NKAIN2: variants seen among roughly 807,000 people sequenced by gnomAD.
The protein encoded by NKAIN2 is sodium/potassium-transporting ATPase subunit beta-1-interacting protein 2.
Under a neutral mutation model 32.6 loss-of-function variants are expected in NKAIN2, and 14 were observed. That is an observed-to-expected ratio of 0.43 (90% CI 0.28 to 0.67). NKAIN2 has a LOEUF of 0.67. NKAIN2 is among the 30% of genes least tolerant of loss of function. NKAIN2 has a pLI of 0.17. For missense variants in NKAIN2, 198 were observed against 258.3 expected, an observed-to-expected ratio of 0.77 and a Z score of 1.60; for synonymous variants, 80 against 87.2, an observed-to-expected ratio of 0.92 and a Z score of 0.46.
intron 4 of NKAIN2, among the ~76,000 whole-genome samples, chr6:124,695,799 T>C (rs950659703): frequency 1.6e-4 from 24 of 152,214 alleles, no homozygotes; most frequent in African/African-American, 5.5e-4. Flanking sequence ...AACAGAAAGA[T>C]GTGCTATCTT....
intron 1 of NKAIN2, among the ~76,000 whole-genome samples, chr6:124,254,028 G>T (rs2114817679): frequency 6.6e-6 from 1 of 151,554 alleles, no homozygotes; most frequent in African/African-American, 2.4e-5. Flanking sequence ...TGTTGGCCAA[G>T]ATGGTCTCGT....
intron 1 of NKAIN2, among the ~76,000 whole-genome samples, chr6:124,270,543 T>C (rs1794711789): frequency 6.6e-6 from 1 of 152,212 alleles, no homozygotes; most frequent in Admixed American, 6.5e-5. Context: ...GAAAGTCATT[T>C]GCTATGAGAA....
chr6:123,852,620 A>G (rs958734995), intron 1 of NKAIN2, among the ~76,000 whole-genome samples: 13 of 152,230 alleles, frequency 8.5e-5, no homozygotes, highest in African/African-American at 3.1e-4. Context: ...GTGCCCATCA[A>G]TGGATGATGA....
chr6:124,003,818 A>T (rs149764468), intron 1 of NKAIN2, among the ~76,000 whole-genome samples: 4 of 152,292 alleles, frequency 2.6e-5, no homozygotes, highest in Admixed American at 6.5e-5. Flanking sequence ...GGCAGCAGGG[A>T]TCTCAACAGG....
intron 3 of NKAIN2, among the ~76,000 whole-genome samples, chr6:124,414,991 T>A (rs2114512428): frequency 6.6e-6 from 1 of 152,260 alleles, no homozygotes; most frequent in African/African-American, 2.4e-5. Context: ...AAACTCAAAT[T>A]GCTTTTTCTA....
intron 2 of NKAIN2, among the ~76,000 whole-genome samples, chr6:124,340,580 A>C (rs1230017494): frequency 6.6e-6 from 1 of 151,920 alleles, no homozygotes; most frequent in Non-Finnish European, 1.5e-5. Flanking sequence ...CCTTCTTTGT[A>C]TTCATAAGTT....
intron 3 of NKAIN2, among the ~76,000 whole-genome samples, chr6:124,511,783 T>C (rs1778724570): frequency 6.6e-6 from 1 of 152,120 alleles, no homozygotes. Context: ...GCTCCCTAGG[T>C]TTCACCAGTC....
chr6:124,763,048 G>A (rs569173722), intron 4 of NKAIN2, among the ~76,000 whole-genome samples: 1 of 152,262 alleles, frequency 6.6e-6, no homozygotes, highest in Non-Finnish European at 1.5e-5. Flanking sequence ...AATAGGCCAG[G>A]CACAGAAAGT....
At chr6:124,460,818 C>G (rs931550753) in intron 3 of NKAIN2, among the ~76,000 whole-genome samples, 4 of 151,602 alleles carry the variant, frequency 2.6e-5, no homozygotes, top group African/African-American at 9.7e-5. Context: ...CCCTTTAATT[C>G]TATCTATCCT....
At chr6:124,780,914 G>A (rs1441781902) in intron 4 of NKAIN2, among the ~76,000 whole-genome samples, 4 of 152,162 alleles carry the variant, frequency 2.6e-5, no homozygotes, top group Non-Finnish European at 5.9e-5. Context: ...AGGAGCATGT[G>A]CATTCTCCTA....
At chr6:124,346,270 G>A (rs1031440330) in intron 2 of NKAIN2, among the ~76,000 whole-genome samples, 4 of 152,050 alleles carry the variant, frequency 2.6e-5, no homozygotes, top group African/African-American at 9.7e-5. Context: ...GGTCAATTTT[G>A]GAATAGGTGT....
intron 1 of NKAIN2, among the ~76,000 whole-genome samples, chr6:123,923,234 C>G (rs1775839685): frequency 6.6e-6 from 1 of 152,176 alleles, no homozygotes; most frequent in African/African-American, 2.4e-5. Context: ...ATTGACTTCA[C>G]TCACTTATTT....
chr6:124,292,661 GATAC>G (rs1313337113), intron 2 of NKAIN2, among the ~76,000 whole-genome samples: 2 of 74,238 alleles, frequency 2.7e-5, no homozygotes, highest in African/African-American at 7.3e-4. Context: ...CTTTTACATT[GATAC>G]ATTGATACTT....
chr6:124,418,729 T>A (rs994833237), intron 3 of NKAIN2, among the ~76,000 whole-genome samples: 1 of 151,512 alleles, frequency 6.6e-6, no homozygotes, highest in Non-Finnish European at 1.5e-5. Context: ...TAATGAGGTA[T>A]TGTGTTTCTT....
chr6:124,001,874 A>G (rs917167146), intron 1 of NKAIN2, among the ~76,000 whole-genome samples: 2 of 148,918 alleles, frequency 1.3e-5, no homozygotes, highest in African/African-American at 4.9e-5. Context: ...TAGTTACTCA[A>G]AGGAGGAACA....
intron 1 of NKAIN2, among the ~76,000 whole-genome samples, chr6:124,263,419 T>C (rs1393973524): frequency 6.6e-6 from 1 of 152,136 alleles, no homozygotes; most frequent in East Asian, 1.9e-4. Context: ...CAGAAAAGTA[T>C]AGACTATAAA....
chr6:123,823,628 T>A (rs1326127239), intron 1 of NKAIN2, among the ~76,000 whole-genome samples: 1 of 152,048 alleles, frequency 6.6e-6, no homozygotes, highest in Non-Finnish European at 1.5e-5. Context: ...TATCAACAAG[T>A]GGGAAGCAAG....
At chr6:124,370,449 G>A (rs780635415) in intron 3 of NKAIN2, among the ~76,000 whole-genome samples, 37 of 152,030 alleles carry the variant, frequency 2.4e-4, no homozygotes, top group Non-Finnish European at 5.0e-4. Context: ...AATATAATTA[G>A]TTTTTCTCTT....
At chr6:123,879,233 A>G (rs1773330706) in intron 1 of NKAIN2, among the ~76,000 whole-genome samples, 1 of 152,206 alleles carries the variant, frequency 6.6e-6, no homozygotes, top group Admixed American at 6.5e-5. Flanking sequence ...ACTTGATATA[A>G]ATAACCCAAA....
Sources: allele counts gnomAD v4.1 joint callset (sites outside exome capture counted in the v4.1 genomes callset), GRCh38; gene constraint gnomAD v4.1.1; transcripts MANE v1.5; gene names NCBI Gene and HGNC (gene_info 2026-07-23, HGNC 2026-07-21).